Variants in BTBD10 observed in about 807,000 individuals in gnomAD.
BTBD10 encodes BTB/POZ domain-containing protein 10.
Under a neutral mutation model 53.2 loss-of-function variants are expected in BTBD10, and 21 were observed. The observed-to-expected ratio is 0.39, with a 90% confidence interval of 0.28 to 0.57. The LOEUF is 0.57. Among genes scored for constraint, BTBD10 ranks in the 20% least tolerant of loss-of-function variants. The pLI, the probability that BTBD10 is intolerant of heterozygous loss-of-function variation, is 0.53. For synonymous variants in BTBD10, 149 were observed against 192.7 expected (o/e 0.77, Z 1.88); for missense variants, 360 against 594.7 (o/e 0.61, Z 4.10).
At chr11:13,460,408 T>G (rs1256016666) in intron 1 of BTBD10, among the ~76,000 whole-genome samples, 6 of 151,568 alleles carry the variant, frequency 4.0e-5, no homozygotes, top group Non-Finnish European at 7.3e-5. Flanking sequence ...CACCTCTTAC[T>G]TAGCTTTGAC....
chr11:13,401,232 C>A (rs1484280126), intron 8 of BTBD10, among the ~76,000 whole-genome samples: 1 of 151,790 alleles, frequency 6.6e-6, no homozygotes, highest in Non-Finnish European at 1.5e-5. Context: ...TAGGTCCTTA[C>A]AATTATATGA....
At chr11:13,443,406 T>C (rs1398267822) in intron 2 of BTBD10, among the ~76,000 whole-genome samples, 1 of 152,276 alleles carries the variant, frequency 6.6e-6, no homozygotes, top group Admixed American at 6.5e-5. Flanking sequence ...GTAGCTTTTA[T>C]AAAATAATGG....
intron 6 of BTBD10, among the ~76,000 whole-genome samples, chr11:13,411,655 C>T (rs1009765363): frequency 1.3e-5 from 2 of 152,066 alleles, no homozygotes; most frequent in Non-Finnish European, 2.9e-5. Flanking sequence ...AAACTACGCA[C>T]AACAAAAGAT....
chr11:13,435,199 A>C (rs1299804798), intron 2 of BTBD10, among the ~76,000 whole-genome samples: 1 of 151,970 alleles, frequency 6.6e-6, no homozygotes, highest in African/African-American at 2.4e-5. Context: ...ATAGCTAGCC[A>C]CTATTAAAAA....
chr11:13,440,169 A>C (rs1032174608), intron 2 of BTBD10: 35 of 1,468,638 alleles, frequency 2.4e-5, no homozygotes, highest in Non-Finnish European at 2.7e-5. Flanking sequence ...TAGGCTTTAA[A>C]TATTCAGAGA....
chr11:13,434,744 T>C (rs11022826), intron 2 of BTBD10, among the ~76,000 whole-genome samples: 1 of 152,104 alleles, frequency 6.6e-6, no homozygotes, highest in Non-Finnish European at 1.5e-5. Context: ...CCATTTCAGA[T>C]GTTACTGTAA....
intron 1 of BTBD10, among the ~76,000 whole-genome samples, chr11:13,456,134 G>A (rs1009127282): frequency 6.6e-6 from 1 of 152,040 alleles, no homozygotes; most frequent in African/African-American, 2.4e-5. Flanking sequence ...TGGTACTATA[G>A]GTAGCATTCC....
At chr11:13,400,919 T>C (rs1295438327) in intron 8 of BTBD10, among the ~76,000 whole-genome samples, 1 of 152,128 alleles carries the variant, frequency 6.6e-6, no homozygotes, top group Non-Finnish European at 1.5e-5. Context: ...ATTGAGAAAT[T>C]TGACAAAACA....
intron 1 of BTBD10, among the ~76,000 whole-genome samples, chr11:13,451,983 G>A (rs1208362569): frequency 6.6e-6 from 1 of 151,912 alleles, no homozygotes; most frequent in Non-Finnish European, 1.5e-5. Context: ...AATTAGATGG[G>A]TACAATGGCA....
chr11:13,390,305 AATC>A (rs2135725414), intron 8 of BTBD10, among the ~76,000 whole-genome samples: 1 of 152,258 alleles, frequency 6.6e-6, no homozygotes, highest in Admixed American at 6.5e-5. Context: ...TGTAAAGTGA[AATC>A]AGCCACAGAG....
At chr11:13,423,997 T>A (rs1216505353) in intron 2 of BTBD10, among the ~76,000 whole-genome samples, 2 of 150,356 alleles carry the variant, frequency 1.3e-5, no homozygotes, top group Non-Finnish European at 3.0e-5. Context: ...GATCAAAAGA[T>A]CCTACTGCAT....
rs1460509232 is a variant in BTBD10 at position 13,388,749 on chromosome 11, A to G, written c.*82T>C. On this transcript the variant is annotated 3_prime_UTR_variant, in exon 9 of 9. Coordinates refer to ENST00000278174, the MANE Select transcript of BTBD10 (RefSeq NM_032320.7). ...TGTTATGTGCATCTCACAATGAAGA[A>G]GAGTGGCCTTGCAGTGCAGAATGAG... The G allele has an allele frequency of 2.9e-6, 4 of 1,386,340 alleles. No individual in the cohort carries two copies. The highest frequency in any genetic ancestry group is 3.0e-6 in the Non-Finnish European group (3 of 1,011,068). The allele number at this position is 1,386,340 out of a possible 1,614,324, so 85.9% of individuals were successfully genotyped here.
intron 2 of BTBD10, among the ~76,000 whole-genome samples, chr11:13,436,693 C>A (rs1327290581): frequency 6.6e-6 from 1 of 152,208 alleles, no homozygotes; most frequent in Admixed American, 6.5e-5. Context: ...CAAACCATGT[C>A]TAATTACTTT....
chr11:13,412,546 T>G (rs1364086886), intron 6 of BTBD10, among the ~76,000 whole-genome samples: 1 of 152,212 alleles, frequency 6.6e-6, no homozygotes, highest in Non-Finnish European at 1.5e-5. Flanking sequence ...TTGGACAATC[T>G]ATTGGATCTA....
chr11:13,419,535 G>A lies in BTBD10; in HGVS notation c.509C>T (p.Thr170Ile). The change falls in exon 4 of 9, where the codon ACA becomes ATA. Residue 170 changes from threonine (T) to isoleucine (I), a missense_variant. Physicochemically the swap from Thr to Ile is moderately conservative, Grantham distance 89. Transcript: ENST00000278174. ...AAATCTAGTGTTATCCACTATTAGTGTCACTCGTTCTGACGTTCTTATATT... is the reference window on the plus strand; with the variant it reads ...AAATCTAGTGTTATCCACTATTAGTATCACTCGTTCTGACGTTCTTATATT... ...ARNIRTSERV[T>I]LIVDNTRFVV... 2 of 1,614,108 alleles carry A rather than the reference G, an allele frequency of 1.2e-6. No homozygotes were observed.
intron 1 of BTBD10, among the ~76,000 whole-genome samples, chr11:13,459,217 C>T (rs981287780): frequency 6.6e-6 from 1 of 151,218 alleles, no homozygotes; most frequent in African/African-American, 2.4e-5. Flanking sequence ...CCACTACGCC[C>T]GGCTAATTTT....
chr11:13,429,369 A>G (rs1182240073), intron 2 of BTBD10, among the ~76,000 whole-genome samples: 1 of 152,172 alleles, frequency 6.6e-6, no homozygotes, highest in Non-Finnish European at 1.5e-5. Flanking sequence ...TTGGAAGACT[A>G]ACATGATCTG....
At chr11:13,405,901 A>ATT in intron 6 of BTBD10, 45 bp from the exon 7 acceptor site, 1 of 1,581,902 alleles carries the variant, frequency 6.3e-7, no homozygotes, top group Non-Finnish European at 8.6e-7. Flanking sequence ...CTTTTCCTAA[A>ATT]AAGAGTTCTT....
intron 1 of BTBD10, among the ~76,000 whole-genome samples, chr11:13,454,707 A>C (rs958081663): frequency 1.3e-5 from 2 of 151,868 alleles, no homozygotes; most frequent in African/African-American, 4.8e-5. Flanking sequence ...AAAATAAATT[A>C]AATAAAAATT....
Sources: allele counts gnomAD v4.1 joint callset (sites outside exome capture counted in the v4.1 genomes callset), GRCh38; gene constraint gnomAD v4.1.1; transcripts MANE v1.5; gene names NCBI Gene and HGNC (gene_info 2026-07-23, HGNC 2026-07-21).